The following TRERF1 variants were observed in gnomAD, a reference collection of about 807,000 sequenced individuals.
TRERF1 encodes the protein transcriptional regulating factor 1.
A neutral mutation model predicts 122.9 loss-of-function variants in TRERF1; 27 were observed. The observed-to-expected ratio is 0.22, with a 90% confidence interval of 0.16 to 0.30. The LOEUF is 0.30. Ranked by LOEUF, TRERF1 falls within the 10% of genes least tolerant of loss-of-function variation. TRERF1 has a pLI of 1.00. For missense variants in TRERF1, 1,248 were observed against 1,560.3 expected (o/e 0.80, Z 3.37); for synonymous variants, 636 against 641.7 (o/e 0.99, Z 0.13).
Position 42,263,559 on chromosome 6 carries a change from C to G in TRERF1, c.1645G>C (p.Glu549Gln). The change falls in exon 8 of 18, where the codon GAG (glutamate) becomes CAG (glutamine). Residue 549 changes from glutamate (E) to glutamine (Q), a missense_variant. Coordinates refer to ENST00000372922, the Ensembl canonical transcript of TRERF1. The surrounding 1 kb of genome is among the most constrained non-coding windows in gnomAD (Gnocchi z 5.6). ...TGGGGCTGAGGCGGCAGGACCTTCT[C>G]TCCTTCCTCCTACACAGACAATAAA... 6.5e-7 allele frequency: 1 copy of G among 1,537,228 alleles called. No homozygotes were observed. The highest frequency in any genetic ancestry group is 8.8e-7 in the Non-Finnish European group (1 of 1,141,432).
chr6:42,397,870 C>T (rs1562133048), intron 2 of TRERF1, among the ~76,000 whole-genome samples: 1 of 152,216 alleles, frequency 6.6e-6, no homozygotes, highest in Non-Finnish European at 1.5e-5. Context: ...AGCAGTGGCA[C>T]TGTGGAGGGG....
chr6:42,451,379 G>A (rs1788467151), intron 1 of TRERF1, 118 bp from the exon 2 acceptor site: 1 of 152,192 alleles, frequency 6.6e-6, no homozygotes, highest in African/African-American at 2.4e-5. Flanking sequence ...ATACTCCCCA[G>A]ATGCAAGCCC....
chr6:42,449,021 T>C (rs1355964964), intron 2 of TRERF1, among the ~76,000 whole-genome samples: 4 of 152,262 alleles, frequency 2.6e-5, no homozygotes, highest in African/African-American at 9.6e-5. Context: ...TCTCCTCTTT[T>C]ACACTTTAAG....
intron 2 of TRERF1, among the ~76,000 whole-genome samples, chr6:42,379,562 G>A (rs916915080): frequency 1.3e-5 from 2 of 151,972 alleles, no homozygotes; most frequent in Admixed American, 6.6e-5. Context: ...ACAGAGTTTC[G>A]CTCTGTCACC....
chr6:42,311,884 T>C (rs1032803782), intron 3 of TRERF1, among the ~76,000 whole-genome samples: 5 of 151,890 alleles, frequency 3.3e-5, no homozygotes, highest in African/African-American at 9.7e-5. Context: ...TGGAGAAAGC[T>C]GTTGTCGTCT....
intron 3 of TRERF1, among the ~76,000 whole-genome samples, chr6:42,315,092 G>A (rs1561971428): frequency 6.6e-6 from 1 of 152,160 alleles, no homozygotes; most frequent in Non-Finnish European, 1.5e-5. Context: ...GGTGTGCAGT[G>A]GGTGGGATGA....
chr6:42,257,643 A>C (rs1032413170), intron 10 of TRERF1, among the ~76,000 whole-genome samples: 2 of 152,214 alleles, frequency 1.3e-5, no homozygotes, highest in Non-Finnish European at 2.9e-5. Flanking sequence ...TTCCTGACTC[A>C]ATCTACTCAC....
At chr6:42,316,400 A>T (rs886417963) in intron 3 of TRERF1, among the ~76,000 whole-genome samples, 1 of 152,220 alleles carries the variant, frequency 6.6e-6, no homozygotes. Flanking sequence ...GGGAGGACAG[A>T]TGAAGGGGAC....
chr6:42,328,268 C>A (rs560562992), intron 3 of TRERF1, among the ~76,000 whole-genome samples: 14 of 152,178 alleles, frequency 9.2e-5, no homozygotes, highest in African/African-American at 3.4e-4. Flanking sequence ...CTCCGCCTCA[C>A]AGAGTGCTAA....
chr6:42,310,127 G>A (rs502614), intron 3 of TRERF1, among the ~76,000 whole-genome samples: 115,611 of 149,808 alleles, frequency 0.77, 44,410 homozygotes, highest in East Asian at 0.91. Context: ...TTTAAGAAAC[G>A]GGGCCTCACT....
chr6:42,298,750 G>A (rs1276265193), intron 4 of TRERF1, among the ~76,000 whole-genome samples: 1 of 151,940 alleles, frequency 6.6e-6, no homozygotes, highest in Non-Finnish European at 1.5e-5. Context: ...GACCAGCCTG[G>A]CCAACATGGT....
chr6:42,359,521 T>TC (rs1016552102), intron 3 of TRERF1, among the ~76,000 whole-genome samples: 67 of 152,212 alleles, frequency 4.4e-4, no homozygotes, highest in African/African-American at 1.3e-3. Context: ...GTCAGGAGAT[T>TC]GAGACCATCC....
chr6:42,257,667 G>A (rs1477762282), intron 10 of TRERF1, among the ~76,000 whole-genome samples: 2 of 152,162 alleles, frequency 1.3e-5, no homozygotes, highest in African/African-American at 4.8e-5. Flanking sequence ...TCTACCACCT[G>A]GCCTCTTTTC....
rs1780952291 is a variant in TRERF1, at chr6:42,275,247, G to T, written c.-258-5399C>A. On this transcript the variant is annotated intron_variant, in intron 4 of 17. Transcript: ENST00000372922. This position sits in a 1 kb window ranked among gnomAD's most constrained non-coding sequence, Gnocchi z 4.1. ...ATTTTTCTAACAAGGTAACTGTTTT[G>T]CTCATTATGTGTAACAATTTCTACT... Among the ~76,000 whole-genome samples, 1 of 152,194 alleles carries T rather than the reference G, an allele frequency of 6.6e-6. No homozygotes were observed. Among genetic ancestry groups the T allele is most frequent in the African/African-American group, 2.4e-5 (1 of 41,438 alleles).
intron 4 of TRERF1, among the ~76,000 whole-genome samples, chr6:42,295,739 T>C (rs1784997715): frequency 1.3e-5 from 2 of 152,274 alleles, no homozygotes; most frequent in South Asian, 4.2e-4. Flanking sequence ...AGTCCTCTTG[T>C]GATGAATAGA....
chr6:42,356,826 C>A (rs979897633), intron 3 of TRERF1, among the ~76,000 whole-genome samples: 1 of 152,058 alleles, frequency 6.6e-6, no homozygotes, highest in Non-Finnish European at 1.5e-5. Context: ...CTCACCTCAG[C>A]CTCCCAAAGT....
chr6:42,437,316 G>A (rs1003807569), intron 2 of TRERF1, among the ~76,000 whole-genome samples: 2 of 152,146 alleles, frequency 1.3e-5, no homozygotes, highest in African/African-American at 2.4e-5. Context: ...AACAACGTGT[G>A]TGAACCACGC....
At chr6:42,421,793 T>A (rs1782797052) in intron 2 of TRERF1, among the ~76,000 whole-genome samples, 2 of 151,876 alleles carry the variant, frequency 1.3e-5, no homozygotes, top group Non-Finnish European at 2.9e-5. Context: ...ATTAATTAAT[T>A]AATTAAATTA....
chr6:42,258,001 T>C, intron 10 of TRERF1, 134 bp downstream of exon 10: 1 of 718,540 alleles, frequency 1.4e-6, no homozygotes, highest in Non-Finnish European at 2.3e-6. Context: ...GAAACAACAG[T>C]ACTCAAGAAA....
Sources: allele counts gnomAD v4.1 joint callset (sites outside exome capture counted in the v4.1 genomes callset), GRCh38; gene constraint gnomAD v4.1.1; non-coding constraint Gnocchi (gnomAD v3.1); transcripts MANE v1.5; gene names NCBI Gene and HGNC (gene_info 2026-07-23, HGNC 2026-07-21).